The following PAH variants were observed in gnomAD, a reference collection of about 807,000 sequenced individuals.
PAH encodes phenylalanine hydroxylase, also known as phenylalanine-4-hydroxylase.
In PAH, 64 loss-of-function variants were observed where a neutral mutation model predicts 62.0. The observed-to-expected ratio is 1.03, with a 90% CI of 0.84 to 1.27. The LOEUF (loss-of-function observed/expected upper bound fraction) is 1.27. PAH is among the 50% of genes most tolerant of loss of function. The probability of loss-of-function intolerance (pLI) is 0.00; values close to 1 mark genes in which losing one functional copy is unlikely to be tolerated. For synonymous variants in PAH, 195 were observed against 196.2 expected, an observed-to-expected ratio of 0.99 and a Z score of 0.05; for missense variants, 579 against 542.8, an observed-to-expected ratio of 1.07 and a Z score of -0.66.
rs1413523910 is a variant in PAH at position 102,871,932 on chromosome 12, AAAAAAAAAAAAAAAAAAATATAT to A, written c.442-5292_442-5270del. 1.4e-3 allele frequency among the ~76,000 whole-genome samples: 158 copies of A among 116,416 alleles called. 1 individual carries two copies. The highest frequency in any genetic ancestry group is 0.011 in the South Asian group (41 of 3,742). 76.4% of individuals were successfully genotyped at this position (116,416 alleles called of 152,430 possible). Reference sequence around the variant, plus strand: ...AGCAAAACTCTGCCTCAAAAAAAAAAAAAAAAAAAAAAAAAAAATATATATATATATATATATATATATATATA... The same window carrying A: ...AGCAAAACTCTGCCTCAAAAAAAAAAATATATATATATATATATATATATA... On this transcript the variant is annotated intron_variant, in intron 4 of 12. Coordinates refer to ENST00000553106, the MANE Select transcript of PAH (RefSeq NM_000277.3).
intron 2 of PAH, among the ~76,000 whole-genome samples, chr12:102,895,869 A>AATATATATATATATATAT (rs1555208128): frequency 8.4e-5 from 10 of 118,716 alleles, no homozygotes; most frequent in African/African-American, 3.6e-4. Flanking sequence ...AAAAAAAAAA[A>AATATATATATATATATAT]ATATATATAT....
chr12:102,859,926 G>C (rs546125037), intron 5 of PAH, among the ~76,000 whole-genome samples: 1 of 152,160 alleles, frequency 6.6e-6, no homozygotes, highest in African/African-American at 2.4e-5. Context: ...CACAAGACAG[G>C]GATGCCCTCT....
chr12:102,958,238 G>T, exon 1 of PAH: 2 of 1,464,512 alleles, frequency 1.4e-6, no homozygotes, highest in Non-Finnish European at 1.8e-6. Context: ...CTTGGCCGCC[G>T]CTGCGCATGG....
intron 11 of PAH, among the ~76,000 whole-genome samples, chr12:102,841,284 C>A (rs1236736773): frequency 6.6e-6 from 1 of 152,204 alleles, no homozygotes; most frequent in African/African-American, 2.4e-5. Context: ...GGACATCATG[C>A]AATACCATTA....
chr12:102,937,108 A>G (rs1275902577), intron 1 of PAH, among the ~76,000 whole-genome samples: 4 of 152,150 alleles, frequency 2.6e-5, no homozygotes, highest in African/African-American at 9.7e-5. Flanking sequence ...ATCCTTCATT[A>G]TTGTAAGTTT....
chr12:102,958,279 C>T, exon 1 of PAH: 1 of 1,475,864 alleles, frequency 6.8e-7, no homozygotes. Flanking sequence ...AGCGGCGGCG[C>T]CGGCCAGCAG....
At chr12:102,932,059 C>A (rs73393573) in intron 1 of PAH, among the ~76,000 whole-genome samples, 4,816 of 152,176 alleles carry the variant, frequency 0.032, 265 homozygotes, top group African/African-American at 0.11. Context: ...GGTTTGAGGT[C>A]GTCAGAGTCT....
At chr12:102,856,218 C>T (rs1017513983) in intron 5 of PAH, among the ~76,000 whole-genome samples, 36 of 152,048 alleles carry the variant, frequency 2.4e-4, no homozygotes, top group Admixed American at 1.6e-3. Context: ...TATGCCAGGC[C>T]GCATAGATCC....
intron 8 of PAH, among the ~76,000 whole-genome samples, chr12:102,847,911 G>T (rs1188732685): frequency 1.3e-5 from 2 of 152,212 alleles, no homozygotes; most frequent in African/African-American, 4.8e-5. Context: ...AGCGTTGTTT[G>T]GGTCAAGACA....
chr12:102,852,890 C>G lies in PAH; in HGVS notation c.767G>C (p.Gly256Ala). ...GTGGAAGACTCGGAAGGCCAGGCCA[C>G]CCAAGAAATCCCGAGAGGAAAGCAG... ...AGLLSSRDFL[G>A]GLAFRVFHCT... Residue 256 changes from glycine (G) to alanine (A), a missense_variant, in exon 7 of 13, where the codon GGT (glycine) becomes GCT (alanine). By Grantham distance (60) the Gly-to-Ala change is moderately conservative (BLOSUM62 0). Coordinates refer to ENST00000553106, the MANE Select transcript of PAH (RefSeq NM_000277.3). 6.2e-7 allele frequency: 1 copy of G among 1,614,020 alleles called. No individual in the cohort carries two copies. The highest frequency in any genetic ancestry group is 8.5e-7 in the Non-Finnish European group (1 of 1,179,984).
At chr12:102,840,047 T>A (rs1874517224) in intron 12 of PAH, among the ~76,000 whole-genome samples, 1 of 152,132 alleles carries the variant, frequency 6.6e-6, no homozygotes, top group Non-Finnish European at 1.5e-5. Context: ...CTGGACAGCT[T>A]ATAAAGTGGA....
intron 2 of PAH, among the ~76,000 whole-genome samples, chr12:102,895,387 G>A (rs572167042): frequency 1.3e-5 from 2 of 152,066 alleles, no homozygotes; most frequent in Admixed American, 6.5e-5. Context: ...CTTGTGAGAC[G>A]ATGTACTTTC....
intron 1 of PAH, among the ~76,000 whole-genome samples, chr12:102,934,946 G>A (rs1251571334): frequency 6.6e-6 from 1 of 151,542 alleles, no homozygotes; most frequent in Non-Finnish European, 1.5e-5. Context: ...AACTTCAGTG[G>A]TTAAAGTAGG....
upstream of PAH, chr12:102,917,482 C>G: frequency 2.8e-6 from 1 of 356,262 alleles, no homozygotes; most frequent in Non-Finnish European, 5.4e-6. Flanking sequence ...GTCGATTAGA[C>G]AGGTTTAGGC....
chr12:102,865,050 G>A (rs905137961), intron 5 of PAH, among the ~76,000 whole-genome samples: 40 of 152,070 alleles, frequency 2.6e-4, no homozygotes, highest in Non-Finnish European at 3.8e-4. Flanking sequence ...AAATTTTAAC[G>A]TACTTCTGAG....
chr12:102,900,168 G>A (rs2136709547), intron 2 of PAH, among the ~76,000 whole-genome samples: 1 of 149,696 alleles, frequency 6.7e-6, no homozygotes, highest in Admixed American at 6.7e-5. Flanking sequence ...TCCTGCCTCA[G>A]CCTCATGAGT....
intron 7 of PAH, 52 bp from the exon 8 acceptor site, chr12:102,851,808 C>A (rs370194528): frequency 5.1e-6 from 7 of 1,378,778 alleles, no homozygotes; most frequent in Middle Eastern, 1.8e-4. Flanking sequence ...TTAAGCCAAG[C>A]CAGACTCAGT....
chr12:102,898,804 G>C (rs898800208), intron 2 of PAH, among the ~76,000 whole-genome samples: 19 of 152,168 alleles, frequency 1.2e-4, no homozygotes, highest in Non-Finnish European at 2.4e-4. Flanking sequence ...CATACATACA[G>C]TGAGCACTCC....
chr12:102,850,834 T>C (rs192066320), intron 8 of PAH, among the ~76,000 whole-genome samples: 1 of 152,308 alleles, frequency 6.6e-6, no homozygotes, highest in Non-Finnish European at 1.5e-5. Flanking sequence ...TTGCCTGTAA[T>C]CTTAGCACTT....
Sources: gnomAD v4.1 joint callset for allele counts (sites outside exome capture counted in the v4.1 genomes callset) on GRCh38, gnomAD v4.1.1 for gene constraint, MANE v1.5 for transcripts, NCBI Gene and HGNC (gene_info 2026-07-23, HGNC 2026-07-21) for gene names.